Variants in SERPINA5 observed in about 807,000 individuals in gnomAD.
The protein encoded by SERPINA5 is serpin family A member 5, also known as plasma serine protease inhibitor.
SERPINA5 carries 25 observed loss-of-function variants against 25.3 expected under a neutral mutation model. The ratio of observed to expected loss-of-function variants is 0.99; its 90% CI spans 0.72 to 1.38. The LOEUF (loss-of-function observed/expected upper bound fraction) is 1.38. Ranked by LOEUF, SERPINA5 falls within the 40% of genes most tolerant of loss-of-function variation. The pLI is 0.00. For synonymous variants in SERPINA5, 234 were observed against 206.2 expected (o/e 1.14, Z -1.16); for missense variants, 599 against 509.5 (o/e 1.18, Z -1.69).
Position 94,587,150 on chromosome 14 carries a change from C to T in SERPINA5, c.-17-196C>T, listed in dbSNP as rs569732307. Among the ~76,000 whole-genome samples the T allele has an allele frequency of 6.6e-5, 10 of 152,224 alleles. No homozygotes were observed. In the East Asian group the frequency reaches 9.7e-4, roughly 15 times the overall value. ...ACCTCCTCTCCCTCCTTCCTCTCCC[C>T]GTCATCCCTAAATCTTGTCCTCGAG... is the stretch of plus-strand genomic sequence containing the variant. On this transcript the variant is annotated intron_variant, in intron 2 of 5. Transcript: ENST00000329597.
rs750522516 is a variant in SERPINA5 at position 94,590,212 on chromosome 14, C to T, written c.791C>T (p.Thr264Met). The change falls in exon 4 of 6, where the codon ACG becomes ATG. Residue 264 changes from threonine (T) to methionine (M), a missense_variant. Coordinates refer to ENST00000329597, the MANE Select transcript of SERPINA5 (RefSeq NM_000624.6). Reference sequence around the variant, plus strand: ...GGGGTCCCCTACCAAGGCAATGCCACGGCTTTGTTCATTCTCCCCAGTGAG... The same window carrying T: ...GGGGTCCCCTACCAAGGCAATGCCATGGCTTTGTTCATTCTCCCCAGTGAG... ...VVGVPYQGNA[T>M]ALFILPSEGK... 89 of 1,613,942 alleles carry T rather than the reference C, an allele frequency of 5.5e-5. No individual in the cohort carries two copies. The highest frequency in any genetic ancestry group is 6.3e-5 in the Non-Finnish European group (74 of 1,179,958).
At chr14:94,589,848 G>T (rs1405813509) in intron 3 of SERPINA5, among the ~76,000 whole-genome samples, 193 bp from the exon 4 acceptor site, 1 of 152,152 alleles carries the variant, frequency 6.6e-6, no homozygotes, top group East Asian at 1.9e-4. Flanking sequence ...CCCACGAAAA[G>T]TCCAAGAATG....
At chr14:94,585,764 CGTGTGTGTGTGTGTGT>C (rs3138588) in intron 2 of SERPINA5, among the ~76,000 whole-genome samples, 36 of 145,868 alleles carry the variant, frequency 2.5e-4, no homozygotes, top group Non-Finnish European at 3.8e-4. Flanking sequence ...CAGGCTCACA[CGTGTGTGTGTGTGTGT>C]GTGTGTGTGT....
intron 2 of SERPINA5, among the ~76,000 whole-genome samples, chr14:94,585,796 T>C (rs186591047): frequency 5.3e-5 from 7 of 132,696 alleles, no homozygotes; most frequent in Admixed American, 1.5e-4. Flanking sequence ...TGTGTGTGTG[T>C]GTGTGTGTAA....
rs1489100983 is a variant in SERPINA5 at position 94,587,484 on chromosome 14, C to A, written c.122C>A (p.Ala41Asp). ...VEDLHVGATV[A>D]PSSRRDFTFD... ...GACCTCCATGTAGGTGCCACGGTGG[C>A]CCCCAGCAGCAGAAGGGACTTTACC... is the stretch of plus-strand genomic sequence containing the variant. The change falls in exon 3 of 6, where the codon GCC becomes GAC. Residue 41 changes from alanine (A) to aspartate (D), a missense_variant. Physicochemically the swap from Ala to Asp is moderately radical, Grantham distance 126. Coordinates refer to ENST00000329597, the MANE Select transcript of SERPINA5 (RefSeq NM_000624.6). 2.5e-6 allele frequency: 4 copies of A among 1,614,162 alleles called. No individual in the cohort carries two copies. The highest frequency in any genetic ancestry group is 3.4e-6 in the Non-Finnish European group (4 of 1,180,026).
At position 94,592,632 on chromosome 14, in the gene SERPINA5, G is replaced by T. The variant is rs747269392; in HGVS notation, c.*393G>T. ...GGATGAGGGCCACCAGGAAGCACAG[G>T]TCCAAGGCTGGTCCCACACTTATCA... On this transcript the variant is annotated 3_prime_UTR_variant, in exon 6 of 6. Coordinates refer to ENST00000329597, the MANE Select transcript of SERPINA5 (RefSeq NM_000624.6). 3 of 176,916 alleles carry T rather than the reference G, an allele frequency of 1.7e-5. No homozygotes were observed. The highest frequency in any genetic ancestry group is 5.6e-5 in the Admixed American group (1 of 17,958). The allele number at this position is 176,916 out of a possible 1,614,324, so 11.0% of individuals were successfully genotyped here. A position where few individuals can be genotyped will look rare whatever the true frequency, so the allele number is the denominator to read the frequency against.
At chr14:94,587,137 T>C (rs991307504) in intron 2 of SERPINA5, among the ~76,000 whole-genome samples, 1 of 152,000 alleles carries the variant, frequency 6.6e-6, no homozygotes, top group African/African-American at 2.4e-5. Context: ...CTCCTCTCCC[T>C]CCTTCCTCTC....
chr14:94,588,217 G>A (rs571621121), intron 3 of SERPINA5, among the ~76,000 whole-genome samples: 1 of 152,280 alleles, frequency 6.6e-6, no homozygotes, highest in African/African-American at 2.4e-5. Flanking sequence ...AGAGCTGGTT[G>A]CTGTCTTCGG....
Position 94,592,355 on chromosome 14 carries a change from G to C in SERPINA5, c.*116G>C. On this transcript the variant is annotated 3_prime_UTR_variant, in exon 6 of 6. Transcript: ENST00000329597. ...TACACAGGTTTAGTTGACTAATGAGGCATTACAAATAATATTACTCTATGA... is the reference window on the plus strand; with the variant it reads ...TACACAGGTTTAGTTGACTAATGAGCCATTACAAATAATATTACTCTATGA... The C allele has an allele frequency of 1.0e-6, 1 of 1,002,278 alleles. No individual in the cohort carries two copies. The highest frequency in any genetic ancestry group is 1.5e-6 in the Non-Finnish European group (1 of 678,692). 62.1% of individuals were successfully genotyped at this position (1,002,278 alleles called of 1,614,324 possible). A position where few individuals can be genotyped will look rare whatever the true frequency, so the allele number is the denominator to read the frequency against.
intron 2 of SERPINA5, among the ~76,000 whole-genome samples, chr14:94,585,152 C>T (rs1885034436): frequency 6.6e-6 from 1 of 152,166 alleles, no homozygotes; most frequent in African/African-American, 2.4e-5. Flanking sequence ...CCAAGCTTTG[C>T]CAGTGTTAGC....
intron 3 of SERPINA5, 106 bp downstream of exon 3, chr14:94,588,087 G>A: frequency 2.1e-6 from 3 of 1,400,382 alleles, no homozygotes; most frequent in East Asian, 2.3e-5. Context: ...AGTACGTTAA[G>A]TTCTTTTGGG....
intron 2 of SERPINA5, among the ~76,000 whole-genome samples, chr14:94,585,764 C>CGTGTGTGTGTGTGTGTGT (rs3138588): frequency 4.5e-4 from 65 of 145,864 alleles, no homozygotes; most frequent in Non-Finnish European, 6.9e-4. Context: ...CAGGCTCACA[C>CGTGTGTGTGTGTGTGTGT]GTGTGTGTGT....
Position 94,583,201 on chromosome 14 carries a change from C to T in SERPINA5, c.-18+1491C>T, listed in dbSNP as rs977853844. On this transcript the variant is annotated intron_variant, in intron 2 of 5. Coordinates refer to ENST00000329597, the MANE Select transcript of SERPINA5 (RefSeq NM_000624.6). Reference sequence around the variant, plus strand: ...GCCATGAGTTTCTTAGGCGAGGAAGCGCTGTGACCATATTTATGATTGAAG... The same window carrying T: ...GCCATGAGTTTCTTAGGCGAGGAAGTGCTGTGACCATATTTATGATTGAAG... Among the ~76,000 whole-genome samples the T allele has an allele frequency of 5.3e-5, 8 of 152,194 alleles. No homozygotes were observed. The East Asian group carries it at 5.8e-4, about 11-fold the overall frequency.
In SERPINA5 at chr14:94,590,807, G is replaced by A. The variant is rs61761874; in HGVS notation, c.949G>A (p.Val317Ile). ...SIEGSYQLEKVLPSLGISNVF... is the reference protein window; with the variant it reads ...SIEGSYQLEKILPSLGISNVF... ...TGAGGGCTCCTATCAGCTGGAGAAA[G>A]TCCTCCCCAGTCTGGGGATCAGTAA... Residue 317 changes from valine (V) to isoleucine (I), a missense_variant, in exon 5 of 6, where the codon GTC becomes ATC. Physicochemically the swap from Val to Ile is conservative, Grantham distance 29. Coordinates refer to ENST00000329597, the MANE Select transcript of SERPINA5 (RefSeq NM_000624.6). The A allele has an allele frequency of 8.6e-5, 139 of 1,613,868 alleles. No homozygotes were observed. Among genetic ancestry groups the A allele is most frequent in the Non-Finnish European group, 1.1e-4 (133 of 1,179,922 alleles).
intron 2 of SERPINA5, among the ~76,000 whole-genome samples, chr14:94,585,622 C>T (rs1885048793): frequency 6.6e-6 from 1 of 152,128 alleles, no homozygotes; most frequent in African/African-American, 2.4e-5. Flanking sequence ...GATCTGGGGT[C>T]ACTGATGACA....
rs1302106454 is a variant in SERPINA5 at position 94,592,958 on chromosome 14, T to G, written c.*719T>G. 1 of 152,228 alleles carries G rather than the reference T, an allele frequency of 6.6e-6. No homozygotes were observed. The highest frequency in any genetic ancestry group is 1.5e-5 in the Non-Finnish European group (1 of 68,052). 9.4% of individuals were successfully genotyped at this position (152,228 alleles called of 1,614,324 possible). A position where few individuals can be genotyped will look rare whatever the true frequency, so the allele number is the denominator to read the frequency against. ...AGGTGGAAATGGCCCATTTAATGATTGATTATATCATTTTGTGGATATAGT... is the reference window on the plus strand; with the variant it reads ...AGGTGGAAATGGCCCATTTAATGATGGATTATATCATTTTGTGGATATAGT... On this transcript the variant is annotated 3_prime_UTR_variant, in exon 6 of 6. Coordinates refer to ENST00000329597, the MANE Select transcript of SERPINA5 (RefSeq NM_000624.6).
rs2139926599 is a variant in SERPINA5 at position 94,587,218 on chromosome 14, T to G, written c.-17-128T>G. On this transcript the variant is annotated intron_variant, in intron 2 of 5. Transcript: ENST00000329597. ...AAACCCTCATGCCCAGTCTTGCGGG[T>G]GCCATCCCTTCTCTTTGAAGCTGAA... 4.8e-6 allele frequency: 4 copies of G among 833,174 alleles called. No homozygotes were observed. The Middle Eastern group carries it at 1.1e-3, about 234-fold the overall frequency. 51.6% of individuals were successfully genotyped at this position (833,174 alleles called of 1,614,324 possible). A position where few individuals can be genotyped will look rare whatever the true frequency, so the allele number is the denominator to read the frequency against.
intron 2 of SERPINA5, among the ~76,000 whole-genome samples, chr14:94,583,650 C>T (rs534720801): frequency 4.6e-5 from 7 of 152,310 alleles, no homozygotes; most frequent in East Asian, 3.9e-4. Flanking sequence ...ATTTGGGTTT[C>T]GGGGATGGTG....
At chr14:94,591,544 G>GTTCTATTCTATTCTA (rs1449794789) in intron 5 of SERPINA5, among the ~76,000 whole-genome samples, 9 of 35,672 alleles carry the variant, frequency 2.5e-4, no homozygotes, top group Admixed American at 3.9e-4. Flanking sequence ...CCTTTATTCT[G>GTTCTATTCTATTCTA]TTCTGTTCTA....
Sources: gnomAD v4.1 joint callset for allele counts (sites outside exome capture counted in the v4.1 genomes callset) on GRCh38, gnomAD v4.1.1 for gene constraint, MANE v1.5 for transcripts, NCBI Gene and HGNC (gene_info 2026-07-23, HGNC 2026-07-21) for gene names.